The following GMNC variants were observed in gnomAD, a reference collection of about 807,000 sequenced individuals.
GMNC encodes the protein geminin coiled-coil domain-containing protein 1.
Under a neutral mutation model 33.6 loss-of-function variants are expected in GMNC, and 16 were observed. The observed-to-expected ratio is 0.48, with a 90% CI of 0.32 to 0.72. The LOEUF (loss-of-function observed/expected upper bound fraction) is 0.72. GMNC is among the 30% of genes least tolerant of loss of function. The pLI, the probability that GMNC is intolerant of heterozygous loss-of-function variation, is 0.03. For synonymous variants in GMNC, 156 were observed against 147.3 expected (o/e 1.06, Z -0.43); for missense variants, 393 against 388.9 (o/e 1.01, Z -0.09).
downstream of GMNC, among the ~76,000 whole-genome samples, chr3:190,850,481 G>T (rs554692420): frequency 1.3e-5 from 2 of 152,340 alleles, no homozygotes; most frequent in East Asian, 3.9e-4. Context: ...GCACTGGGAA[G>T]ATGGGGAAGA....
chr3:190,857,211 C>G (rs1180173845), intron 4 of GMNC, among the ~76,000 whole-genome samples: 2 of 150,708 alleles, frequency 1.3e-5, no homozygotes, highest in African/African-American at 2.4e-5. Flanking sequence ...AGAAATAGCT[C>G]ATTTTAAAAG....
intron 2 of GMNC, among the ~76,000 whole-genome samples, chr3:190,860,362 C>T (rs1428324991): frequency 2.6e-5 from 4 of 152,182 alleles, no homozygotes. Flanking sequence ...CTGGTATCCT[C>T]ATTCCAAAGA....
At chr3:190,856,351 A>C (rs1737740922) in intron 4 of GMNC, among the ~76,000 whole-genome samples, 1 of 137,174 alleles carries the variant, frequency 7.3e-6, no homozygotes, top group Non-Finnish European at 1.6e-5. Context: ...ATATTTATTA[A>C]TATATATTTA....
Position 190,855,361 on chromosome 3 carries a change from T to C in GMNC, c.939A>G (p.Gly313=). ...CCTCATCTCGACGCACAAAGGCTTG[T>C]CCCTGGTGGAAGGAATGAGTTTTCA... The part of the protein sequence containing the change: ...CNVKTHSFHQ[G]QAFVRRDEEG... Residue 313 remains glycine, a synonymous_variant, in exon 5 of 5, where the codon GGA becomes GGG. Coordinates refer to ENST00000442080, the MANE Select transcript of GMNC (RefSeq NM_001146686.3). 6.4e-7 allele frequency: 1 copy of C among 1,551,804 alleles called. No homozygotes were observed. The highest frequency in any genetic ancestry group is 8.7e-7 in the Non-Finnish European group (1 of 1,146,898).
chr3:190,856,406 T>C (rs1019904020), intron 4 of GMNC, among the ~76,000 whole-genome samples: 3 of 135,730 alleles, frequency 2.2e-5, no homozygotes, highest in Non-Finnish European at 4.7e-5. Flanking sequence ...TATATATTTA[T>C]AAATATATTA....
chr3:190,850,355 C>A (rs569934225), downstream of GMNC, among the ~76,000 whole-genome samples: 2 of 152,334 alleles, frequency 1.3e-5, no homozygotes, highest in Admixed American at 1.3e-4. Context: ...CCAAGTGTCC[C>A]CAGTGAAACC....
chr3:190,860,154 G>A (rs7640240), intron 2 of GMNC, among the ~76,000 whole-genome samples: 61,978 of 152,070 alleles, frequency 0.41, 14,347 homozygotes, highest in African/African-American at 0.64. Flanking sequence ...CACAGATCAA[G>A]ATTAATATGT....
Position 190,862,101 on chromosome 3 carries a change from G to A in GMNC, c.3+512C>T, listed in dbSNP as rs1028659533. 6.6e-6 allele frequency among the ~76,000 whole-genome samples: 1 copy of A among 152,220 alleles called. No individual in the cohort carries two copies. Among genetic ancestry groups the A allele is most frequent in the Non-Finnish European group, 1.5e-5 (1 of 68,022 alleles). On this transcript the variant is annotated intron_variant, in intron 1 of 4. Transcript: ENST00000442080. The surrounding 1 kb of genome is among the most constrained non-coding windows in gnomAD (Gnocchi z 4.5). ...AGAAATTCAGCCAAAAGTTTATCAA[G>A]TGCAATTTTCTTTTATTTTAAAAGC...
chr3:190,850,916 T>C (rs1737624167), downstream of GMNC, among the ~76,000 whole-genome samples: 1 of 152,156 alleles, frequency 6.6e-6, no homozygotes, highest in African/African-American at 2.4e-5. Context: ...TCAATTACAT[T>C]CCTATTCAAG....
At position 190,860,587 on chromosome 3, in the gene GMNC, C is replaced by T. The variant is rs567598479; in HGVS notation, c.178+97G>A. 4.8e-5 allele frequency: 49 copies of T among 1,026,940 alleles called. No homozygotes were observed. In the East Asian group the frequency reaches 5.6e-4, roughly 12 times the overall value. The allele number at this position is 1,026,940 out of a possible 1,614,324, so 63.6% of individuals were successfully genotyped here. ...TTGGGTTTACTTAAATTTTCCATAT[C>T]GTCCCTTATTCTAGAGTCCCAGCCC... On this transcript the variant is annotated intron_variant, in intron 2 of 4. Transcript: ENST00000442080.
chr3:190,860,884 G>C, intron 1 of GMNC, 26 bp from the exon 2 acceptor site: 1 of 1,501,090 alleles, frequency 6.7e-7, no homozygotes, highest in Non-Finnish European at 9.0e-7. Context: ...TGGGGGGAGT[G>C]AGGGGTCCCA....
intron 2 of GMNC, chr3:190,859,616 C>T (rs1384692733): frequency 1.0e-5 from 2 of 194,804 alleles, no homozygotes; most frequent in South Asian, 9.1e-5. Flanking sequence ...CAAAACTGTG[C>T]CCAGACCTTA....
Position 190,854,559 on chromosome 3 carries a change from C to T in GMNC, c.*736G>A, listed in dbSNP as rs1285102122. Reference sequence around the variant, plus strand: ...TCCCTCAAAATGTTCTTCTTGGAGTCATGTTGGTTAAAGAAATGATGCTGG... The same window carrying T: ...TCCCTCAAAATGTTCTTCTTGGAGTTATGTTGGTTAAAGAAATGATGCTGG... On this transcript the variant is annotated 3_prime_UTR_variant, in exon 5 of 5. Transcript: ENST00000442080. The T allele has an allele frequency of 6.6e-6, 1 of 152,064 alleles. No individual in the cohort carries two copies. The highest frequency in any genetic ancestry group is 1.5e-5 in the Non-Finnish European group (1 of 68,004). 9.4% of individuals were successfully genotyped at this position (152,064 alleles called of 1,614,324 possible).
chr3:190,860,186 TTC>T (rs1737831139), intron 2 of GMNC, among the ~76,000 whole-genome samples: 1 of 152,234 alleles, frequency 6.6e-6, no homozygotes, highest in Non-Finnish European at 1.5e-5. Context: ...AATGCTATAG[TTC>T]TCTCCAAAGT....
At chr3:190,845,438 T>G in the GMNC span, among the ~76,000 whole-genome samples, 1 of 151,914 alleles carries the variant, frequency 6.6e-6, no homozygotes, top group African/African-American at 2.4e-5. Flanking sequence ...TTTATAGCAG[T>G]GTGGAAACAA....
chr3:190,858,719 C>G (rs1651597443), intron 3 of GMNC, among the ~76,000 whole-genome samples: 2 of 152,274 alleles, frequency 1.3e-5, no homozygotes, highest in South Asian at 4.1e-4. Context: ...AAAGTGAGAG[C>G]TTGACTGCAG....
At chr3:190,852,284 C>G (rs62286312), downstream of GMNC, among the ~76,000 whole-genome samples, 252 of 152,036 alleles carry the variant, frequency 1.7e-3, 1 homozygote, top group Non-Finnish European at 3.0e-3. Context: ...TTAAAAAAGT[C>G]GTTTTCTTGA....
Position 190,856,402 on chromosome 3 carries a change from T to G in GMNC, c.385-487A>C, listed in dbSNP as rs1737744487. Among the ~76,000 whole-genome samples, 3 of 136,726 alleles carry G rather than the reference T, an allele frequency of 2.2e-5. No homozygotes were observed. In the Admixed American group the frequency reaches 2.2e-4, roughly 10 times the overall value. The allele number at this position is 136,726 out of a possible 152,430, so 89.7% of individuals were successfully genotyped here. On this transcript the variant is annotated intron_variant, in intron 4 of 4. Transcript: ENST00000442080. ...AGATATATTTATAAATATTTATATA[T>G]TTATAAATATATTAATAAATATTAA...
At chr3:190,857,729 C>T in intron 4 of GMNC, 54 bp downstream of exon 4, 2 of 902,300 alleles carry the variant, frequency 2.2e-6, no homozygotes, top group Non-Finnish European at 3.6e-6. Context: ...AAATCATTTC[C>T]TTTCTCAAAT....
Sources: allele counts gnomAD v4.1 joint callset (sites outside exome capture counted in the v4.1 genomes callset), GRCh38; gene constraint gnomAD v4.1.1; non-coding constraint Gnocchi (gnomAD v3.1); transcripts MANE v1.5; gene names NCBI Gene and HGNC (gene_info 2026-07-23, HGNC 2026-07-21).